The following CPNE1 variants were observed in gnomAD, a reference collection of about 807,000 sequenced individuals.
CPNE1 encodes the protein copine-1.
CPNE1 carries 58 observed loss-of-function variants against 63.2 expected under a neutral mutation model. The ratio of observed to expected loss-of-function variants is 0.92; its 90% CI spans 0.74 to 1.14. The LOEUF (loss-of-function observed/expected upper bound fraction) is 1.14, where lower values mean the gene tolerates loss of function less well. Among genes scored for constraint, CPNE1 ranks in the 50% most tolerant of loss-of-function variants. The pLI is 0.00. For synonymous variants in CPNE1, 237 were observed against 249.0 expected, an observed-to-expected ratio of 0.95 and a Z score of 0.45; for missense variants, 672 against 661.7, an observed-to-expected ratio of 1.02 and a Z score of -0.17.
Position 35,631,445 on chromosome 20 carries a change from C to T in CPNE1, c.714+47G>A. 1.9e-6 allele frequency: 3 copies of T among 1,604,216 alleles called. No individual in the cohort carries two copies. The South Asian group carries it at 3.3e-5, about 18-fold the overall frequency. On this transcript the variant is annotated intron_variant, in intron 8 of 15. Coordinates refer to ENST00000397443, the MANE Select transcript of CPNE1 (RefSeq NM_152925.3). ...TCTCCTTCCTCTCTCCCACAAGCTTCAGCTATCTAGGCCCATTTCCACACC... is the reference window on the plus strand; with the variant it reads ...TCTCCTTCCTCTCTCCCACAAGCTTTAGCTATCTAGGCCCATTTCCACACC...
intron 14 of CPNE1, 87 bp downstream of exon 14, chr20:35,627,187 CAAAAAA>C (rs746796889): frequency 1.1e-4 from 58 of 536,644 alleles, no homozygotes; most frequent in Middle Eastern, 1.3e-3. Flanking sequence ...GAGTCCATCT[CAAAAAA>C]AAAAAAAAAA....
chr20:35,659,164 C>CCT, intron 1 of CPNE1: 1 of 466,334 alleles, frequency 2.1e-6, no homozygotes, highest in Non-Finnish European at 3.8e-6. Flanking sequence ...AAGAAAGACA[C>CCT]CGTAACAAAA....
intron 1 of CPNE1, among the ~76,000 whole-genome samples, chr20:35,647,973 G>A (rs568481160): frequency 2.6e-5 from 4 of 151,746 alleles, no homozygotes; most frequent in South Asian, 2.1e-4. Flanking sequence ...GCTGAGGCAG[G>A]AGAATCGCTT....
Position 35,654,487 on chromosome 20 carries a change from G to A in CPNE1, c.-1+10273C>T, listed in dbSNP as rs747772115. 6.8e-6 allele frequency: 11 copies of A among 1,614,054 alleles called. No individual in the cohort carries two copies. Among genetic ancestry groups the A allele is most frequent in the Admixed American group, 1.7e-5 (1 of 60,002 alleles). On this transcript the variant is annotated intron_variant, in intron 1 of 15. Transcript: ENST00000397443. ...CTGGATAGGGTTAACAGGATTCAACGGACCAAGAAACATAGGATTCAGATT... is the reference window on the plus strand; with the variant it reads ...CTGGATAGGGTTAACAGGATTCAACAGACCAAGAAACATAGGATTCAGATT...
At chr20:35,627,209 AG>A in intron 14 of CPNE1, 70 bp downstream of exon 14, 19 of 1,259,674 alleles carry the variant, frequency 1.5e-5, no homozygotes, top group South Asian at 6.1e-5. Flanking sequence ...AAAAAAAAAA[AG>A]TCCTTTGTTC....
intron 1 of CPNE1, among the ~76,000 whole-genome samples, chr20:35,640,632 A>T (rs942252187): frequency 6.6e-6 from 1 of 152,148 alleles, no homozygotes; most frequent in Non-Finnish European, 1.5e-5. Context: ...CCCAATTCTT[A>T]TAATCCTATC....
chr20:35,639,676 G>A (rs1476427027), intron 1 of CPNE1, among the ~76,000 whole-genome samples: 2 of 152,182 alleles, frequency 1.3e-5, no homozygotes, highest in African/African-American at 4.8e-5. Flanking sequence ...CCTCCCCCTG[G>A]TAAGAGGTTG....
intron 1 of CPNE1, chr20:35,653,269 G>T: frequency 6.2e-7 from 1 of 1,613,628 alleles, no homozygotes; most frequent in Non-Finnish European, 8.5e-7. Context: ...AGGCAGTCCT[G>T]CACTGGTTAT....
intron 1 of CPNE1, among the ~76,000 whole-genome samples, chr20:35,635,966 G>A (rs1306617036): frequency 4.6e-5 from 7 of 152,132 alleles, no homozygotes; most frequent in Admixed American, 3.9e-4. Flanking sequence ...AGAAAGTCTA[G>A]GTCCATACAA....
chr20:35,641,937 A>G lies in CPNE1; in HGVS notation c.1-9014T>C, dbSNP rs550087685. Among the ~76,000 whole-genome samples the G allele has an allele frequency of 4.6e-5, 7 of 152,362 alleles. No homozygotes were observed. The East Asian group carries it at 5.8e-4, about 13-fold the overall frequency. On this transcript the variant is annotated intron_variant, in intron 1 of 15. Coordinates refer to ENST00000397443, the MANE Select transcript of CPNE1 (RefSeq NM_152925.3). ...ATGGCTTGCAAGAGCCAACTGTTAC[A>G]TATCAGGAAATCGTTGAAGCAGGTG...
chr20:35,640,423 A>G (rs2032735978), intron 1 of CPNE1, among the ~76,000 whole-genome samples: 1 of 152,178 alleles, frequency 6.6e-6, no homozygotes, highest in South Asian at 2.1e-4. Context: ...ATCTTCCAGA[A>G]CCATATTAAA....
intron 1 of CPNE1, among the ~76,000 whole-genome samples, chr20:35,658,167 C>G (rs1351275537): frequency 2.0e-5 from 3 of 152,180 alleles, no homozygotes; most frequent in African/African-American, 7.2e-5. Flanking sequence ...TTGGGCCTAT[C>G]TTAGTTACTT....
chr20:35,630,395 CTT>C (rs753524009), intron 13 of CPNE1, 42 bp downstream of exon 13: 41 of 1,556,958 alleles, frequency 2.6e-5, no homozygotes, highest in Non-Finnish European at 3.5e-5. Flanking sequence ...GCTTGCCCCT[CTT>C]TGTGTGGACA....
chr20:35,654,511 T>A, intron 1 of CPNE1: 1 of 1,614,174 alleles, frequency 6.2e-7, no homozygotes, highest in Non-Finnish European at 8.5e-7. Flanking sequence ...AGGATTCAGA[T>A]TATTGTTCAA....
chr20:35,630,917 C>T lies in CPNE1; in HGVS notation c.979G>A (p.Val327Ile), dbSNP rs754505538. The T allele has an allele frequency of 1.2e-6, 2 of 1,609,388 alleles. No homozygotes were observed. The highest frequency in any genetic ancestry group is 1.7e-6 in the Non-Finnish European group (2 of 1,177,100). The stretch of plus-strand genomic sequence containing the variant: ...GGTACTCACGAGTCATAGTCCTGAA[C>T]CACGCTGCCCACACTCCACAGTGCC... Reference protein sequence around the residue: ...LMALWSVGSVVQDYDSDKLFP... With the variant: ...LMALWSVGSVIQDYDSDKLFP... Residue 327 changes from valine to isoleucine, a missense_variant, in exon 11 of 16, where the codon GTT becomes ATT. Physicochemically the swap from Val to Ile is conservative, Grantham distance 29. Transcript: ENST00000397443.
At chr20:35,633,352 T>A (rs1174355152) in intron 1 of CPNE1, among the ~76,000 whole-genome samples, 1 of 152,184 alleles carries the variant, frequency 6.6e-6, no homozygotes, top group African/African-American at 2.4e-5. Context: ...ACCCCAAATA[T>A]AACTATGATC....
Position 35,637,068 on chromosome 20 carries a change from A to G in CPNE1, c.1-4145T>C, listed in dbSNP as rs556973886. Reference sequence around the variant, plus strand: ...CAAAAACAAAACAAGCAAAATAAATAAAAAGGCCTCATCAGCTTTCCCCCC... The same window carrying G: ...CAAAAACAAAACAAGCAAAATAAATGAAAAGGCCTCATCAGCTTTCCCCCC... On this transcript the variant is annotated intron_variant, in intron 1 of 15. Transcript: ENST00000397443. Among the ~76,000 whole-genome samples, 6 of 152,290 alleles carry G rather than the reference A, an allele frequency of 3.9e-5. No individual in the cohort carries two copies. The East Asian group carries it at 1.2e-3, about 29-fold the overall frequency.
Position 35,626,179 on chromosome 20 carries a change from T to G in CPNE1, c.*62A>C. ...ACTGAGGAGAGTGAGAAGGGTTGGGTTGTGGCCCAGAGGGACCTCTGGGAC... is the reference window on the plus strand; with the variant it reads ...ACTGAGGAGAGTGAGAAGGGTTGGGGTGTGGCCCAGAGGGACCTCTGGGAC... On this transcript the variant is annotated 3_prime_UTR_variant, in exon 16 of 16. Coordinates refer to ENST00000397443, the MANE Select transcript of CPNE1 (RefSeq NM_152925.3). 6.5e-7 allele frequency: 1 copy of G among 1,549,022 alleles called. No homozygotes were observed. Among genetic ancestry groups the G allele is most frequent in the Non-Finnish European group, 8.9e-7 (1 of 1,121,190 alleles).
intron 1 of CPNE1, among the ~76,000 whole-genome samples, chr20:35,642,532 G>A (rs553457200): frequency 1.3e-5 from 2 of 152,308 alleles, no homozygotes; most frequent in East Asian, 1.9e-4. Context: ...ATTGTTTCCC[G>A]TAAGACTGAA....
Sources: allele counts gnomAD v4.1 joint callset (sites outside exome capture counted in the v4.1 genomes callset), GRCh38; gene constraint gnomAD v4.1.1; transcripts MANE v1.5; gene names NCBI Gene and HGNC (gene_info 2026-07-23, HGNC 2026-07-21).